Variants in BRAF observed in about 807,000 individuals in gnomAD.
BRAF encodes the protein serine/threonine-protein kinase B-raf.
In BRAF, 16 loss-of-function variants were observed where a neutral mutation model predicts 104.6. The ratio of observed to expected loss-of-function variants is 0.15; its 90% CI spans 0.10 to 0.23. The LOEUF is 0.23. BRAF is among the 10% of genes least tolerant of loss of function. The pLI is 1.00. For missense variants in BRAF, 541 were observed against 937.3 expected, an observed-to-expected ratio of 0.58 and a Z score of 5.52; for synonymous variants, 310 against 341.6, an observed-to-expected ratio of 0.91 and a Z score of 1.02.
At position 140,721,653 on chromosome 7, in the gene BRAF, C is replaced by T. The variant is rs1005887587; in HGVS notation, c.*4841G>A. The T allele has an allele frequency of 6.5e-7, 1 of 1,535,156 alleles. No individual in the cohort carries two copies. The highest frequency in any genetic ancestry group is 2.0e-5 in the Admixed American group (1 of 50,826). ...GAGATGCTACTACCCTCTTCTGGGG[C>T]TCAACTACCGATGGGCATCAGTAAT... On this transcript the variant is annotated 3_prime_UTR_variant, in exon 20 of 20. Transcript: ENST00000644969.
At chr7:140,766,698 ACAC>A (rs375614551) in intron 14 of BRAF, among the ~76,000 whole-genome samples, 13 of 151,812 alleles carry the variant, frequency 8.6e-5, no homozygotes, top group African/African-American at 3.1e-4. Context: ...CCACAGACAT[ACAC>A]CACCACATCT....
At chr7:140,790,467 T>C (rs1430349593) in intron 8 of BRAF, among the ~76,000 whole-genome samples, 1 of 152,174 alleles carries the variant, frequency 6.6e-6, no homozygotes, top group Non-Finnish European at 1.5e-5. Flanking sequence ...ACAAAAGCCA[T>C]CAAACAACTT....
In BRAF at chr7:140,801,478, C is replaced by G; in HGVS notation, c.794G>C (p.Gly265Ala). The change falls in exon 6 of 20, where the codon GGT (glycine) becomes GCT (alanine). Residue 265 changes from glycine (G) to alanine (A), a missense_variant. Physicochemically the swap from Gly to Ala is moderately conservative, Grantham distance 60 (BLOSUM62 0). Coordinates refer to ENST00000644969, the MANE Select transcript of BRAF (RefSeq NM_001374258.1). ...LFQGFRCQTCGYKFHQRCSTE... is the reference protein window; with the variant it reads ...LFQGFRCQTCAYKFHQRCSTE... ...ACTACAACGCTGGTGAAATTTATAA[C>G]CACATGTTTGACAGCGGAAACCCTG... 6.2e-7 allele frequency: 1 copy of G among 1,614,014 alleles called. No homozygotes were observed. The highest frequency in any genetic ancestry group is 1.7e-4 in the Middle Eastern group (1 of 6,056).
chr7:140,801,369 T>C (rs1586212986), intron 6 of BRAF, 43 bp downstream of exon 6: 4 of 1,603,782 alleles, frequency 2.5e-6, no homozygotes. Flanking sequence ...AAAATTTAAG[T>C]GTAAAATGGT....
chr7:140,715,844 A>C (rs181936320), downstream of BRAF, among the ~76,000 whole-genome samples: 49 of 152,344 alleles, frequency 3.2e-4, no homozygotes, highest in African/African-American at 1.2e-3. Flanking sequence ...TTAATGTGTA[A>C]ATTTATCAAA....
intron 6 of BRAF, 42 bp from the exon 7 acceptor site, chr7:140,800,523 A>G: frequency 3.7e-6 from 6 of 1,613,874 alleles, no homozygotes; most frequent in Non-Finnish European, 5.1e-6. Flanking sequence ...TGCAAAACCC[A>G]GAAGCTTCAT....
intron 3 of BRAF, among the ~76,000 whole-genome samples, chr7:140,809,817 G>A (rs1254887379): frequency 2.0e-5 from 3 of 152,050 alleles, no homozygotes; most frequent in East Asian, 1.9e-4. Context: ...GCTAACATAC[G>A]AAGCAGCAAA....
At position 140,781,602 on chromosome 7, in the gene BRAF, C is replaced by G. The variant is rs121913355; in HGVS notation, c.1526G>C (p.Gly509Ala). The change falls in exon 12 of 20, where the codon GGA becomes GCA. Residue 509 changes from glycine (G) to alanine (A), a missense_variant. This residue lies in a region of BRAF where 109 missense variants were observed against 143.9 expected (regional missense o/e 0.76). Coordinates refer to ENST00000644969, the MANE Select transcript of BRAF (RefSeq NM_001374258.1). ...VGQRIGSGSFGTVYKGKWHGD... is the reference protein window; with the variant it reads ...VGQRIGSGSFATVYKGKWHGD... ...ATGCCACTTTCCCTTGTAGACTGTT[C>G]CAAATGATCCAGATCCAATTCTTTG... 1.9e-6 allele frequency: 3 copies of G among 1,614,022 alleles called. No individual in the cohort carries two copies. Among genetic ancestry groups the G allele is most frequent in the Admixed American group, 1.7e-5 (1 of 60,012 alleles).
chr7:140,912,777 ACCT>A (rs1392031256), intron 1 of BRAF, among the ~76,000 whole-genome samples: 1 of 152,096 alleles, frequency 6.6e-6, no homozygotes, highest in Admixed American at 6.5e-5. Context: ...CGAACTCCTC[ACCT>A]CGGGTGATCT....
At chr7:140,726,734 A>T (rs777158179) in intron 19 of BRAF, among the ~76,000 whole-genome samples, 5 of 152,244 alleles carry the variant, frequency 3.3e-5, no homozygotes, top group Non-Finnish European at 7.3e-5. Flanking sequence ...ATTAAATAGC[A>T]AGTCTGCAGA....
Position 140,722,166 on chromosome 7 carries a change from C to T in BRAF, c.*4328G>A. 1 of 1,062,522 alleles carries T rather than the reference C, an allele frequency of 9.4e-7. No homozygotes were observed. The highest frequency in any genetic ancestry group is 1.1e-6 in the Non-Finnish European group (1 of 877,630). The allele number at this position is 1,062,522 out of a possible 1,614,324, so 65.8% of individuals were successfully genotyped here. ...AAATGTCACTGAACTATATTTGCAA[C>T]CTAGTTGCTCTATGTGATAAATATA... On this transcript the variant is annotated 3_prime_UTR_variant, in exon 20 of 20. Transcript: ENST00000644969.
At chr7:140,749,011 T>C in intron 17 of BRAF, 1 of 395,644 alleles carries the variant, frequency 2.5e-6, no homozygotes, top group Non-Finnish European at 4.7e-6. Flanking sequence ...TTCTTCTAAT[T>C]GTGCGATGGT....
chr7:140,794,845 C>T (rs1013467046), intron 7 of BRAF, among the ~76,000 whole-genome samples: 16 of 152,102 alleles, frequency 1.1e-4, no homozygotes, highest in African/African-American at 3.9e-4. Flanking sequence ...ATTGTCTTGA[C>T]ATCTGAATTT....
chr7:140,856,894 G>C (rs1464852455), intron 1 of BRAF, among the ~76,000 whole-genome samples: 1 of 152,158 alleles, frequency 6.6e-6, no homozygotes, highest in East Asian at 1.9e-4. Context: ...ATAATGAACT[G>C]ACGTTAAGGT....
At chr7:140,726,758 G>A (rs1795619125) in intron 19 of BRAF, among the ~76,000 whole-genome samples, 1 of 152,176 alleles carries the variant, frequency 6.6e-6, no homozygotes, top group Non-Finnish European at 1.5e-5. Context: ...TTCCAGTTGG[G>A]TTTTATGTAT....
At position 140,724,877 on chromosome 7, in the gene BRAF, T is replaced by G. The variant is rs1426825148; in HGVS notation, c.*1617A>C. 1 of 1,038,452 alleles carries G rather than the reference T, an allele frequency of 9.6e-7. No homozygotes were observed. The highest frequency in any genetic ancestry group is 1.2e-6 in the Non-Finnish European group (1 of 862,278). 64.3% of individuals were successfully genotyped at this position (1,038,452 alleles called of 1,614,324 possible). A position where few individuals can be genotyped will look rare whatever the true frequency, so the allele number is the denominator to read the frequency against. ...TTTGCCATTAATACATCCGCTTTCT[T>G]TGCTATGACTGTGATTGATATTACC... On this transcript the variant is annotated 3_prime_UTR_variant, in exon 20 of 20. Coordinates refer to ENST00000644969, the MANE Select transcript of BRAF (RefSeq NM_001374258.1).
In BRAF at chr7:140,869,574, G is replaced by A. The variant is rs535659874; in HGVS notation, c.139-19362C>T. 3.6e-4 allele frequency among the ~76,000 whole-genome samples: 55 copies of A among 151,852 alleles called. 1 individual carries two copies. The highest frequency in any genetic ancestry group is 1.1e-3 in the African/African-American group (45 of 41,424). On this transcript the variant is annotated intron_variant, in intron 1 of 19. Coordinates refer to ENST00000644969, the MANE Select transcript of BRAF (RefSeq NM_001374258.1). The stretch of plus-strand genomic sequence containing the variant: ...CTTGAACCTGGGAGACAGAGGTTGC[G>A]GTGAGCCGAAATCACGCCACTGCAC...
At chr7:140,895,918 C>T (rs1814835976) in intron 1 of BRAF, among the ~76,000 whole-genome samples, 1 of 152,134 alleles carries the variant, frequency 6.6e-6, no homozygotes, top group African/African-American at 2.4e-5. Context: ...TACTGACTTC[C>T]CTTCCTTTGG....
chr7:140,922,492 G>A (rs1818333671), intron 1 of BRAF, among the ~76,000 whole-genome samples: 1 of 152,154 alleles, frequency 6.6e-6, no homozygotes, highest in African/African-American at 2.4e-5. Context: ...TAATAACTCT[G>A]CAGCAAAGTT....
Sources: allele counts gnomAD v4.1 joint callset (sites outside exome capture counted in the v4.1 genomes callset), GRCh38; gene constraint gnomAD v4.1.1; regional missense constraint gnomAD v4.1.1; transcripts MANE v1.5; gene names NCBI Gene and HGNC (gene_info 2026-07-23, HGNC 2026-07-21).